The following TMEM132D variants were observed in gnomAD, a reference collection of about 807,000 sequenced individuals.
TMEM132D encodes the protein transmembrane protein 132D.
TMEM132D carries 21 observed loss-of-function variants against 62.3 expected under a neutral mutation model. The ratio of observed to expected loss-of-function variants is 0.34; its 90% CI spans 0.24 to 0.49. The LOEUF (loss-of-function observed/expected upper bound fraction) is 0.49. TMEM132D is among the 20% of genes least tolerant of loss of function. The pLI is 0.99. For missense variants in TMEM132D, 1,346 were observed against 1,402.8 expected, an observed-to-expected ratio of 0.96 and a Z score of 0.65; for synonymous variants, 621 against 575.6, an observed-to-expected ratio of 1.08 and a Z score of -1.13.
intron 3 of TMEM132D, among the ~76,000 whole-genome samples, chr12:129,391,547 G>T (rs1306176223): frequency 6.6e-6 from 1 of 152,182 alleles, no homozygotes; most frequent in Non-Finnish European, 1.5e-5. Flanking sequence ...GCCCAGTGAG[G>T]TCTCAGAATT....
chr12:129,113,802 A>G (rs1374465779), intron 5 of TMEM132D, among the ~76,000 whole-genome samples: 1 of 151,924 alleles, frequency 6.6e-6, no homozygotes, highest in African/African-American at 2.4e-5. Flanking sequence ...AAGGAGAGCA[A>G]TACATGGCCT....
At chr12:129,315,649 C>T (rs140896774) in intron 4 of TMEM132D, among the ~76,000 whole-genome samples, 3 of 152,104 alleles carry the variant, frequency 2.0e-5, no homozygotes, top group Non-Finnish European at 4.4e-5. Context: ...TAGGGTGATG[C>T]TGGCTACATA....
intron 2 of TMEM132D, among the ~76,000 whole-genome samples, chr12:129,646,309 G>C (rs1331751242): frequency 6.6e-6 from 1 of 152,026 alleles, no homozygotes; most frequent in Non-Finnish European, 1.5e-5. Flanking sequence ...CTTTGCAGAG[G>C]GCGATGCAGT....
chr12:129,734,894 C>T (rs1869376996), intron 1 of TMEM132D, among the ~76,000 whole-genome samples: 1 of 151,706 alleles, frequency 6.6e-6, no homozygotes, highest in Non-Finnish European at 1.5e-5. Flanking sequence ...GATCAGAAGA[C>T]AAGTAACAAA....
At chr12:129,756,344 A>G (rs895371637) in intron 1 of TMEM132D, among the ~76,000 whole-genome samples, 1 of 152,218 alleles carries the variant, frequency 6.6e-6, no homozygotes, top group Non-Finnish European at 1.5e-5. Context: ...AATATTATTT[A>G]ACTTTAAAAA....
At chr12:129,222,023 G>A (rs760423722) in intron 4 of TMEM132D, among the ~76,000 whole-genome samples, 5 of 152,134 alleles carry the variant, frequency 3.3e-5, no homozygotes, top group South Asian at 2.1e-4. Flanking sequence ...TTTATAAACC[G>A]CTCTGTTTCT....
At chr12:129,863,738 T>A (rs998800377) in intron 1 of TMEM132D, among the ~76,000 whole-genome samples, 7 of 152,278 alleles carry the variant, frequency 4.6e-5, no homozygotes, top group South Asian at 2.1e-4. Flanking sequence ...TTTTAATACA[T>A]GAAATGCTAG....
intron 1 of TMEM132D, among the ~76,000 whole-genome samples, chr12:129,722,348 CT>C (rs5801876): frequency 0.83 from 125,657 of 152,044 alleles, 52,455 homozygotes; most frequent in Non-Finnish European, 0.9. Flanking sequence ...CACTCTTCCC[CT>C]AGCTGGTGCC....
intron 1 of TMEM132D, among the ~76,000 whole-genome samples, chr12:129,757,598 C>T (rs1248281296): frequency 6.6e-6 from 1 of 152,116 alleles, no homozygotes; most frequent in African/African-American, 2.4e-5. Flanking sequence ...ACTTCTTCTC[C>T]AGTATTTTCT....
intron 3 of TMEM132D, among the ~76,000 whole-genome samples, chr12:129,342,506 T>G (rs1422412916): frequency 6.6e-6 from 1 of 152,106 alleles, no homozygotes; most frequent in Non-Finnish European, 1.5e-5. Context: ...ATTCAGGACA[T>G]AGGCATGGGC....
chr12:129,444,015 C>T (rs1387308710), intron 3 of TMEM132D, among the ~76,000 whole-genome samples: 1 of 152,136 alleles, frequency 6.6e-6, no homozygotes, highest in Non-Finnish European at 1.5e-5. Context: ...GGAAAGGACT[C>T]CCCTTTCCCC....
rs531526658 is a variant in TMEM132D at position 129,648,803 on chromosome 12, T to C, written c.968+51007A>G. On this transcript the variant is annotated intron_variant, in intron 2 of 8. Transcript: ENST00000422113. Reference sequence around the variant, plus strand: ...GGGGAATTCAGCAGTAAAATTTTCATATGATATGCATTTTCACTCAAATAC... The same window carrying C: ...GGGGAATTCAGCAGTAAAATTTTCACATGATATGCATTTTCACTCAAATAC... Among the ~76,000 whole-genome samples, 4 of 152,340 alleles carry C rather than the reference T, an allele frequency of 2.6e-5. No homozygotes were observed. In the South Asian group the frequency reaches 8.3e-4, roughly 32 times the overall value.
Position 129,785,350 on chromosome 12 carries a change from G to A in TMEM132D, c.80-84652C>T, listed in dbSNP as rs1299010875. Among the ~76,000 whole-genome samples, 5 of 152,168 alleles carry A rather than the reference G, an allele frequency of 3.3e-5. No individual in the cohort carries two copies. The East Asian group carries it at 7.7e-4, about 23-fold the overall frequency. On this transcript the variant is annotated intron_variant, in intron 1 of 8. Transcript: ENST00000422113. ...AACTCTGCCACTAACTGGGTTTGATGTTTGCATTTGTATAGCTTTAGGACT... is the reference window on the plus strand; with the variant it reads ...AACTCTGCCACTAACTGGGTTTGATATTTGCATTTGTATAGCTTTAGGACT...
chr12:129,097,271 G>A (rs1233344076), intron 5 of TMEM132D, among the ~76,000 whole-genome samples: 5 of 152,220 alleles, frequency 3.3e-5, no homozygotes, highest in East Asian at 1.9e-4. Context: ...ACCCCTGGGC[G>A]GCAAGAGCAC....
chr12:129,463,150 A>C (rs1240440830), intron 3 of TMEM132D, among the ~76,000 whole-genome samples: 1 of 152,198 alleles, frequency 6.6e-6, no homozygotes, highest in African/African-American at 2.4e-5. Flanking sequence ...TCCAGAATCA[A>C]ACTCTGCTTT....
chr12:129,674,760 C>T (rs943658228), intron 2 of TMEM132D, among the ~76,000 whole-genome samples: 1 of 152,172 alleles, frequency 6.6e-6, no homozygotes, highest in East Asian at 1.9e-4. Context: ...AGACTGGTCT[C>T]GAACTCCTGA....
At chr12:129,463,678 T>A (rs1423986128) in intron 3 of TMEM132D, among the ~76,000 whole-genome samples, 5 of 148,396 alleles carry the variant, frequency 3.4e-5, no homozygotes, top group Non-Finnish European at 7.5e-5. Context: ...CCTGTGTCCA[T>A]GTGTTCTCAT....
chr12:129,289,529 A>G lies in TMEM132D; in HGVS notation c.1299+48105T>C, dbSNP rs1045471500. On this transcript the variant is annotated intron_variant, in intron 4 of 8. Coordinates refer to ENST00000422113, the MANE Select transcript of TMEM132D (RefSeq NM_133448.3). ...ATTGCACTCCAGCCTGGGTGACAAG[A>G]GTGAAATTCCATCTCAATAAAAAAA... 4.1e-4 allele frequency among the ~76,000 whole-genome samples: 60 copies of G among 145,304 alleles called. 1 individual carries two copies. Among genetic ancestry groups the G allele is most frequent in the Non-Finnish European group, 7.8e-4 (52 of 66,932 alleles).
chr12:129,736,554 A>T (rs1436947604), intron 1 of TMEM132D, among the ~76,000 whole-genome samples: 1 of 152,146 alleles, frequency 6.6e-6, no homozygotes, highest in Non-Finnish European at 1.5e-5. Flanking sequence ...CTGAACGTGG[A>T]GCTACAAGGC....
Sources: gnomAD v4.1 joint callset for allele counts (sites outside exome capture counted in the v4.1 genomes callset) on GRCh38, gnomAD v4.1.1 for gene constraint, MANE v1.5 for transcripts, NCBI Gene and HGNC (gene_info 2026-07-23, HGNC 2026-07-21) for gene names.